Variants in DNM1 observed in about 807,000 individuals in gnomAD.
DNM1 encodes the protein dynamin 1.
DNM1 carries 29 observed loss-of-function variants against 104.6 expected under a neutral mutation model. The observed-to-expected ratio is 0.28, with a 90% CI of 0.21 to 0.38. The LOEUF is 0.38. DNM1 is among the 10% of genes least tolerant of loss of function. The pLI is 1.00. For synonymous variants in DNM1, 445 were observed against 475.8 expected, an observed-to-expected ratio of 0.94 and a Z score of 0.84; for missense variants, 640 against 1,189.4, an observed-to-expected ratio of 0.54 and a Z score of 6.79.
rs1013489025 is a variant in DNM1 at position 128,224,101 on chromosome 9, AT to A, written c.1197-146del. ...CCCTTCATTAGAACCCCTCCCTCCCATTTTACAACTGGGGACACTGAGGCCC... is the reference window on the plus strand; with the variant it reads ...CCCTTCATTAGAACCCCTCCCTCCCATTTACAACTGGGGACACTGAGGCCC... On this transcript the variant is annotated intron_variant, in intron 9 of 21. Transcript: ENST00000372923. This position sits in a 1 kb window ranked among gnomAD's most constrained non-coding sequence, Gnocchi z 4.3. 2.2e-5 allele frequency: 22 copies of A among 986,050 alleles called. No homozygotes were observed. The highest frequency in any genetic ancestry group is 3.0e-5 in the Non-Finnish European group (21 of 699,550). The allele number at this position is 986,050 out of a possible 1,614,324, so 61.1% of individuals were successfully genotyped here. A position where few individuals can be genotyped will look rare whatever the true frequency, so the allele number is the denominator to read the frequency against.
Position 128,218,484 on chromosome 9 carries a change from TG to T in DNM1, c.236-97del, listed in dbSNP as rs1834746060. On this transcript the variant is annotated intron_variant, in intron 2 of 21. Transcript: ENST00000372923. The surrounding 1 kb of genome is among the most constrained non-coding windows in gnomAD (Gnocchi z 4.8). ...CGTGGGTGGTGGTTCTGCTTGGGTG[TG>T]TCTAGGGGGTTCTATTACCGGTGGG... is the stretch of plus-strand genomic sequence containing the variant. The T allele has an allele frequency of 6.8e-7, 1 of 1,461,276 alleles. No homozygotes were observed. Among genetic ancestry groups the T allele is most frequent in the African/African-American group, 1.4e-5 (1 of 71,496 alleles). 90.5% of individuals were successfully genotyped at this position (1,461,276 alleles called of 1,614,324 possible).
In DNM1 at chr9:128,203,693, C is replaced by A; in HGVS notation, c.161+62C>A. The A allele has an allele frequency of 7.2e-7, 1 of 1,383,124 alleles. No homozygotes were observed. The highest frequency in any genetic ancestry group is 9.3e-7 in the Non-Finnish European group (1 of 1,070,406). 85.7% of individuals were successfully genotyped at this position (1,383,124 alleles called of 1,614,324 possible). ...CCCCGGGATCCCTGGAGTCCCCGCC[C>A]GGGGCACTGACGGCGCGGCGACCTC... On this transcript the variant is annotated intron_variant, in intron 1 of 21. Transcript: ENST00000372923. This position sits in a 1 kb window ranked among gnomAD's most constrained non-coding sequence, Gnocchi z 5.3.
At chr9:128,227,615 C>A (rs942567566) in intron 10 of DNM1, among the ~76,000 whole-genome samples, 6 of 152,022 alleles carry the variant, frequency 3.9e-5, no homozygotes, top group African/African-American at 1.4e-4. Flanking sequence ...CTCCTGACCT[C>A]AGGTGATCTG....
At chr9:128,235,270 C>T (rs554785900) in intron 11 of DNM1, among the ~76,000 whole-genome samples, 27 of 151,926 alleles carry the variant, frequency 1.8e-4, no homozygotes, top group African/African-American at 4.6e-4. Context: ...CCAAGGTGGG[C>T]GGATCACGAG....
At chr9:128,215,786 G>A (rs2131136994) in intron 1 of DNM1, among the ~76,000 whole-genome samples, 1 of 152,292 alleles carries the variant, frequency 6.6e-6, no homozygotes, top group South Asian at 2.1e-4. Flanking sequence ...CTCTTTGTGG[G>A]GAGTCCCATC....
Position 128,243,815 on chromosome 9 carries a change from C to T in DNM1, c.1671+1470C>T. Among the ~76,000 whole-genome samples the T allele has an allele frequency of 6.6e-6, 1 of 152,190 alleles. No individual in the cohort carries two copies. The highest frequency in any genetic ancestry group is 1.9e-4 in the East Asian group (1 of 5,190). On this transcript the variant is annotated intron_variant, in intron 15 of 21. Transcript: ENST00000372923. This position sits in a 1 kb window ranked among gnomAD's most constrained non-coding sequence, Gnocchi z 4.0. ...GGGGTCCCCTGATCTCATGCCTGAG[C>T]CTGCAGGCCTTTCTGGAGCTTTTGT...
rs1457231265 is a variant in DNM1, at chr9:128,218,673, C to T, written c.327C>T (p.Thr109=). The change falls in exon 3 of 22, where the codon ACC becomes ACT. Residue 109 remains threonine (T), a synonymous_variant. Coordinates refer to ENST00000372923, the MANE Select transcript of DNM1 (RefSeq NM_004408.4). This position sits in a 1 kb window ranked among gnomAD's most constrained non-coding sequence, Gnocchi z 4.8. ...TCGAGGCCGAGACCGACAGGGTCAC[C>T]GGCACCAACAAGGGCATCTCGCCGG... ...LEIEAETDRV[T]GTNKGISPVP... is the part of the protein sequence containing the mutation. 30 of 1,612,886 alleles carry T rather than the reference C, an allele frequency of 1.9e-5. No homozygotes were observed. Among genetic ancestry groups the T allele is most frequent in the Non-Finnish European group, 2.5e-5 (30 of 1,179,388 alleles).
chr9:128,204,628 A>G (rs1833792443), intron 1 of DNM1, among the ~76,000 whole-genome samples: 1 of 152,140 alleles, frequency 6.6e-6, no homozygotes, highest in African/African-American at 2.4e-5. Context: ...GGTGCTGAGG[A>G]GAGAGAAGAA....
chr9:128,248,399 C>T lies in DNM1; in HGVS notation c.1906-184C>T. ...CACTAGAGTCAGAACCAAGACAAGG[C>T]TGAATCAGGGGAGTCTAGGGTCCTG... On this transcript the variant is annotated intron_variant, in intron 18 of 21. Transcript: ENST00000372923. This position sits in a 1 kb window ranked among gnomAD's most constrained non-coding sequence, Gnocchi z 5.6. 1.6e-6 allele frequency: 1 copy of T among 609,304 alleles called. No homozygotes were observed. Among genetic ancestry groups the T allele is most frequent in the East Asian group, 2.8e-5 (1 of 35,508 alleles). The allele number at this position is 609,304 out of a possible 1,614,324, so 37.7% of individuals were successfully genotyped here. A position where few individuals can be genotyped will look rare whatever the true frequency, so the allele number is the denominator to read the frequency against.
chr9:128,215,456 A>G (rs909924234), intron 1 of DNM1, among the ~76,000 whole-genome samples: 1 of 152,230 alleles, frequency 6.6e-6, no homozygotes, highest in Non-Finnish European at 1.5e-5. Context: ...GCCATGACAG[A>G]GATGGGCCAC....
In DNM1 at chr9:128,254,127, G is replaced by T; in HGVS notation, c.2535-527G>T. 7.9e-7 allele frequency: 1 copy of T among 1,260,390 alleles called. No individual in the cohort carries two copies. 78.1% of individuals were successfully genotyped at this position (1,260,390 alleles called of 1,614,324 possible). A position where few individuals can be genotyped will look rare whatever the true frequency, so the allele number is the denominator to read the frequency against. On this transcript the variant is annotated intron_variant, in intron 21 of 21. Coordinates refer to ENST00000372923, the MANE Select transcript of DNM1 (RefSeq NM_004408.4). This position sits in a 1 kb window ranked among gnomAD's most constrained non-coding sequence, Gnocchi z 6.1. ...TGCCTGCCCTCCCTGCCTCCCCCAG[G>T]GTCCCTTCAGAGGGTCCTGGGTTTT... is the stretch of plus-strand genomic sequence containing the variant.
chr9:128,238,673 T>C (rs1444391556), intron 11 of DNM1, among the ~76,000 whole-genome samples: 2 of 151,650 alleles, frequency 1.3e-5, no homozygotes, highest in Non-Finnish European at 2.9e-5. Flanking sequence ...TTTTTTCTTT[T>C]GAGGTGGAGT....
At position 128,254,751 on chromosome 9, in the gene DNM1, A is replaced by C; in HGVS notation, c.*37A>C. 6.4e-7 allele frequency: 1 copy of C among 1,571,174 alleles called. No individual in the cohort carries two copies. The highest frequency in any genetic ancestry group is 8.6e-7 in the Non-Finnish European group (1 of 1,157,320). On this transcript the variant is annotated 3_prime_UTR_variant, in exon 22 of 22. Transcript: ENST00000372923. This position sits in a 1 kb window ranked among gnomAD's most constrained non-coding sequence, Gnocchi z 6.1. ...CTCTTCTCGGAGACCTCCCTTTCCA[A>C]GCCTGCCTGGACGGCTGTTCTGTGA...
intron 1 of DNM1, among the ~76,000 whole-genome samples, chr9:128,216,984 T>C (rs1042498946): frequency 6.6e-6 from 1 of 152,210 alleles, no homozygotes; most frequent in East Asian, 1.9e-4. Flanking sequence ...GCCTTCACCC[T>C]TGTGCTTGCG....
rs373253077 is a variant in DNM1 at position 128,220,885 on chromosome 9, TTTTCTTTCTTTCTTTCTTTC to T, written c.849+576_849+595del. On this transcript the variant is annotated intron_variant, in intron 6 of 21. Transcript: ENST00000372923. The surrounding 1 kb of genome is among the most constrained non-coding windows in gnomAD (Gnocchi z 5.2). The stretch of plus-strand genomic sequence containing the variant: ...CCTCTATTTCTTTTTTCTTTATTTG[TTTTCTTTCTTTCTTTCTTTC>T]TTTCTTTCTTTCTTTCTTTCTTTCT... Among the ~76,000 whole-genome samples the T allele has an allele frequency of 1.4e-3, 167 of 117,604 alleles. 1 individual carries two copies. Among genetic ancestry groups the T allele is most frequent in the African/African-American group, 3.8e-3 (120 of 31,492 alleles). 77.2% of individuals were successfully genotyped at this position (117,604 alleles called of 152,430 possible). A position where few individuals can be genotyped will look rare whatever the true frequency, so the allele number is the denominator to read the frequency against.
intron 11 of DNM1, among the ~76,000 whole-genome samples, chr9:128,237,506 C>T (rs1018662062): frequency 2.6e-5 from 4 of 152,086 alleles, no homozygotes; most frequent in South Asian, 2.1e-4. Context: ...TGACCTCAAG[C>T]GATCTACCTG....
chr9:128,243,059 C>A lies in DNM1; in HGVS notation c.1671+714C>A, dbSNP rs1221601118. ...GCCAGACACCCGGTTAACCCCTGCA[C>A]CCCAGTCCCCTAGACCCCTGCAGTC... On this transcript the variant is annotated intron_variant, in intron 15 of 21. Transcript: ENST00000372923. This position sits in a 1 kb window ranked among gnomAD's most constrained non-coding sequence, Gnocchi z 4.0. 6.6e-6 allele frequency among the ~76,000 whole-genome samples: 1 copy of A among 152,180 alleles called. No homozygotes were observed. Among genetic ancestry groups the A allele is most frequent in the Admixed American group, 6.5e-5 (1 of 15,284 alleles).
Position 128,240,862 on chromosome 9 carries a change from G to A in DNM1, c.1557+866G>A. 1 of 153,194 alleles carries A rather than the reference G, an allele frequency of 6.5e-6. No homozygotes were observed. The highest frequency in any genetic ancestry group is 1.5e-5 in the Non-Finnish European group (1 of 68,680). 9.5% of individuals were successfully genotyped at this position (153,194 alleles called of 1,614,324 possible). The stretch of plus-strand genomic sequence containing the variant: ...AGCAGGAGGTCCCTGGTGCAGGGCT[G>A]CAGAGAGGGCTTAGGATGAGCAGAG... On this transcript the variant is annotated intron_variant, in intron 14 of 21. Transcript: ENST00000372923. The surrounding 1 kb of genome is among the most constrained non-coding windows in gnomAD (Gnocchi z 5.1).
intron 1 of DNM1, among the ~76,000 whole-genome samples, chr9:128,214,079 C>G (rs1834464913): frequency 6.6e-6 from 1 of 152,070 alleles, no homozygotes; most frequent in African/African-American, 2.4e-5. Context: ...CCTTCCACCT[C>G]CAGGGTCAAG....
Sources: gnomAD v4.1 joint callset for allele counts (sites outside exome capture counted in the v4.1 genomes callset) on GRCh38, gnomAD v4.1.1 for gene constraint, Gnocchi (gnomAD v3.1) non-coding constraint, MANE v1.5 for transcripts, NCBI Gene and HGNC (gene_info 2026-07-23, HGNC 2026-07-21) for gene names.